Variants in KIF26B observed in about 807,000 individuals in gnomAD.
KIF26B encodes kinesin family member 26B.
In KIF26B, 63 loss-of-function variants were observed where a neutral mutation model predicts 151.2. That is an observed-to-expected ratio of 0.42 (90% CI 0.34 to 0.51). The LOEUF (loss-of-function observed/expected upper bound fraction) is 0.51. KIF26B is among the 20% of genes least tolerant of loss of function. The pLI, the probability that KIF26B is intolerant of heterozygous loss-of-function variation, is 0.07. For synonymous variants in KIF26B, 1,357 were observed against 1,262.1 expected, an observed-to-expected ratio of 1.08 and a Z score of -1.59; for missense variants, 2,813 against 2,913.6, an observed-to-expected ratio of 0.97 and a Z score of 0.79.
intron 5 of KIF26B, among the ~76,000 whole-genome samples, chr1:245,561,710 G>C (rs747355432): frequency 1.3e-5 from 2 of 152,098 alleles, no homozygotes; most frequent in Non-Finnish European, 2.9e-5. Context: ...TCTTTTACTA[G>C]TGAGGAAACT....
intron 2 of KIF26B, among the ~76,000 whole-genome samples, chr1:245,327,771 A>G (rs1672021620): frequency 6.6e-6 from 1 of 152,186 alleles, no homozygotes; most frequent in Non-Finnish European, 1.5e-5. Context: ...ACATATTTTT[A>G]GCTATTTTTT....
In KIF26B at chr1:245,698,339, A is replaced by C; in HGVS notation, c.6027+31A>C. 6.3e-7 allele frequency: 1 copy of C among 1,588,186 alleles called. No individual in the cohort carries two copies. The highest frequency in any genetic ancestry group is 8.6e-7 in the Non-Finnish European group (1 of 1,163,876). Reference sequence around the variant, plus strand: ...GCAGCCTCCTTCCCACCCCCTGCCTACGTGGTGGCAGCTCCCCACCAAGCC... The same window carrying C: ...GCAGCCTCCTTCCCACCCCCTGCCTCCGTGGTGGCAGCTCCCCACCAAGCC... On this transcript the variant is annotated intron_variant, in intron 13 of 14. Transcript: ENST00000407071. The surrounding 1 kb of genome is among the most constrained non-coding windows in gnomAD (Gnocchi z 4.0).
Position 245,687,706 on chromosome 1 carries a change from G to A in KIF26B, c.4723G>A (p.Ala1575Thr), listed in dbSNP as rs754691489. 18 of 1,582,726 alleles carry A rather than the reference G, an allele frequency of 1.1e-5. No individual in the cohort carries two copies. The East Asian group carries it at 2.8e-4, about 24-fold the overall frequency. The change falls in exon 12 of 15, where the codon GCT (alanine) becomes ACT (threonine). Residue 1575 changes from alanine to threonine, a missense_variant. By Grantham distance (58) the Ala-to-Thr change is moderately conservative (BLOSUM62 0). Coordinates refer to ENST00000407071, the MANE Select transcript of KIF26B (RefSeq NM_018012.4). This position sits in a 1 kb window ranked among gnomAD's most constrained non-coding sequence, Gnocchi z 4.9. ...GAASGTPPSK[A>T]TLEGKVASPK... Reference sequence around the variant, plus strand: ...AGCCTCGGGCACCCCGCCCTCCAAGGCTACCCTGGAGGGGAAGGTGGCTTC... The same window carrying A: ...AGCCTCGGGCACCCCGCCCTCCAAGACTACCCTGGAGGGGAAGGTGGCTTC...
chr1:245,621,205 G>A (rs1030413150), intron 9 of KIF26B, among the ~76,000 whole-genome samples: 8 of 152,186 alleles, frequency 5.3e-5, no homozygotes, highest in African/African-American at 1.7e-4. Flanking sequence ...GAGGAACTAC[G>A]ACGGTGCGGG....
At chr1:245,267,378 C>A (rs1387283313) in intron 2 of KIF26B, among the ~76,000 whole-genome samples, 1 of 152,202 alleles carries the variant, frequency 6.6e-6, no homozygotes, top group Non-Finnish European at 1.5e-5. Flanking sequence ...ACAAGCCCAG[C>A]ATTGCGAAGT....
chr1:245,344,817 T>C (rs115412557), intron 2 of KIF26B, among the ~76,000 whole-genome samples: 290 of 152,124 alleles, frequency 1.9e-3, no homozygotes, highest in African/African-American at 6.6e-3. Flanking sequence ...AGGCTGGACG[T>C]ATCCCTTGAC....
At chr1:245,549,904 C>T (rs1386676101) in intron 5 of KIF26B, among the ~76,000 whole-genome samples, 1 of 152,134 alleles carries the variant, frequency 6.6e-6, no homozygotes, top group Non-Finnish European at 1.5e-5. Flanking sequence ...CCTCAGCCTC[C>T]CAAGTAGCTG....
chr1:245,470,833 C>T (rs1378786722), intron 4 of KIF26B, among the ~76,000 whole-genome samples: 1 of 152,154 alleles, frequency 6.6e-6, no homozygotes, highest in Non-Finnish European at 1.5e-5. Context: ...TTGAAATCAT[C>T]TCTATGTAGC....
chr1:245,494,302 G>T lies in KIF26B; in HGVS notation c.1167-46465G>T, dbSNP rs1292457020. Among the ~76,000 whole-genome samples the T allele has an allele frequency of 2.4e-4, 22 of 91,084 alleles. No homozygotes were observed. The Admixed American group carries it at 2.9e-3, about 12-fold the overall frequency. The allele number at this position is 91,084 out of a possible 152,430, so 59.8% of individuals were successfully genotyped here. A position where few individuals can be genotyped will look rare whatever the true frequency, so the allele number is the denominator to read the frequency against. On this transcript the variant is annotated intron_variant, in intron 4 of 14. Coordinates refer to ENST00000407071, the MANE Select transcript of KIF26B (RefSeq NM_018012.4). ...CCCTGGGCAACAAGACCAAAACTCT[G>T]TCTCAAACAAACAAACAAACAAAAA...
intron 2 of KIF26B, among the ~76,000 whole-genome samples, chr1:245,315,863 G>A (rs575034149): frequency 6.6e-6 from 1 of 152,288 alleles, no homozygotes; most frequent in East Asian, 1.9e-4. Flanking sequence ...CTGCACTGCA[G>A]CCTGGGCAAC....
At chr1:245,209,088 A>C (rs1462063853) in intron 2 of KIF26B, among the ~76,000 whole-genome samples, 1 of 152,204 alleles carries the variant, frequency 6.6e-6, no homozygotes, top group Non-Finnish European at 1.5e-5. Flanking sequence ...AGAACCGATA[A>C]CAGAGTGGAC....
intron 2 of KIF26B, among the ~76,000 whole-genome samples, chr1:245,288,850 C>G (rs1429850712): frequency 6.6e-6 from 1 of 152,100 alleles, no homozygotes; most frequent in African/African-American, 2.4e-5. Flanking sequence ...ATTGAATACC[C>G]TGTTTTCAGT....
chr1:245,592,023 G>A (rs2043293745), intron 5 of KIF26B, among the ~76,000 whole-genome samples: 1 of 152,198 alleles, frequency 6.6e-6, no homozygotes, highest in Non-Finnish European at 1.5e-5. Context: ...AAGACCTTTA[G>A]GGAATTTCCT....
intron 9 of KIF26B, among the ~76,000 whole-genome samples, chr1:245,630,610 A>G (rs889799156): frequency 6.6e-6 from 1 of 152,186 alleles, no homozygotes; most frequent in African/African-American, 2.4e-5. Flanking sequence ...GAGTGAGAGC[A>G]TTAGGACAAA....
intron 4 of KIF26B, among the ~76,000 whole-genome samples, chr1:245,469,982 T>G (rs1242418179): frequency 6.6e-6 from 1 of 151,400 alleles, no homozygotes; most frequent in Non-Finnish European, 1.5e-5. Flanking sequence ...GAGGTCACAG[T>G]AGATCAGAGT....
chr1:245,581,451 TAGAGAA>T (rs1174569945), intron 5 of KIF26B, among the ~76,000 whole-genome samples: 5 of 150,434 alleles, frequency 3.3e-5, no homozygotes, highest in Non-Finnish European at 5.9e-5. Flanking sequence ...GGTAGATAGA[TAGAGAA>T]AGAAGCTTGC....
intron 2 of KIF26B, among the ~76,000 whole-genome samples, chr1:245,180,292 CAGAG>C (rs34346823): frequency 7.4e-5 from 11 of 148,614 alleles, no homozygotes; most frequent in African/African-American, 2.0e-4. Flanking sequence ...CTGCAGGTAG[CAGAG>C]AGAGAGAGAG....
chr1:245,486,399 A>G (rs1386177892), intron 4 of KIF26B, among the ~76,000 whole-genome samples: 2 of 152,222 alleles, frequency 1.3e-5, no homozygotes, highest in Admixed American at 6.5e-5. Flanking sequence ...AGGGAGGAAA[A>G]AAAAAAGAGA....
At position 245,615,807 on chromosome 1, in the gene KIF26B, G is replaced by GCA. The variant is rs549109690; in HGVS notation, c.2098+3835_2098+3836dup. ...GAGGGGAAAGGATCCCGGCCAGAAT[G>GCA]CACACGGCCTCCCCGCCTGGGACTC... On this transcript the variant is annotated intron_variant, in intron 9 of 14. Coordinates refer to ENST00000407071, the MANE Select transcript of KIF26B (RefSeq NM_018012.4). 1.5e-4 allele frequency among the ~76,000 whole-genome samples: 23 copies of GCA among 152,326 alleles called. No individual in the cohort carries two copies. The South Asian group carries it at 4.6e-3, about 30-fold the overall frequency.
Sources: gnomAD v4.1 joint callset for allele counts (sites outside exome capture counted in the v4.1 genomes callset) on GRCh38, gnomAD v4.1.1 for gene constraint, Gnocchi (gnomAD v3.1) non-coding constraint, MANE v1.5 for transcripts, NCBI Gene and HGNC (gene_info 2026-07-23, HGNC 2026-07-21) for gene names.